Variants in LRBA observed in about 807,000 individuals in gnomAD.
The protein encoded by LRBA is lipopolysaccharide-responsive and beige-like anchor protein.
Under a neutral mutation model 330.0 loss-of-function variants are expected in LRBA, and 176 were observed. The ratio of observed to expected loss-of-function variants is 0.53; its 90% CI spans 0.47 to 0.60. The LOEUF is 0.60. Among genes scored for constraint, LRBA ranks in the 20% least tolerant of loss-of-function variants. The probability of loss-of-function intolerance (pLI) is 0.00; values close to 1 mark genes in which losing one functional copy is unlikely to be tolerated. For synonymous variants in LRBA, 1,230 were observed against 1,193.0 expected (o/e 1.03, Z -0.64); for missense variants, 3,259 against 3,444.8 (o/e 0.95, Z 1.35).
chr4:150,774,871 CT>C (rs1200841857), intron 34 of LRBA, among the ~76,000 whole-genome samples: 2 of 152,182 alleles, frequency 1.3e-5, no homozygotes, highest in Admixed American at 1.3e-4. Context: ...TATTTGTTCA[CT>C]TGATCTAGAA....
chr4:150,493,040 G>A (rs1266929855), intron 40 of LRBA, among the ~76,000 whole-genome samples: 1 of 152,162 alleles, frequency 6.6e-6, no homozygotes, highest in Non-Finnish European at 1.5e-5. Flanking sequence ...GAGTGAAGTG[G>A]TGTGATCACA....
At chr4:150,306,472 C>A (rs1730369908) in intron 52 of LRBA, among the ~76,000 whole-genome samples, 1 of 152,070 alleles carries the variant, frequency 6.6e-6, no homozygotes, top group Non-Finnish European at 1.5e-5. Flanking sequence ...ATAAAACTAG[C>A]ATCAGAGTTT....
intron 41 of LRBA, among the ~76,000 whole-genome samples, chr4:150,488,990 ATATATATAAGAATATATAATATAT>A (rs1758253893): frequency 8.0e-6 from 1 of 124,514 alleles, no homozygotes; most frequent in Admixed American, 1.0e-4. Flanking sequence ...ATAACATATA[ATATATATAAGAATATATAATATAT>A]TATATATAAG....
intron 2 of LRBA, among the ~76,000 whole-genome samples, chr4:150,972,042 A>G (rs1579364746): frequency 6.6e-6 from 1 of 152,168 alleles, no homozygotes; most frequent in East Asian, 1.9e-4. Context: ...AGATTCTCTT[A>G]TAAGTACCTT....
At chr4:150,528,792 A>T (rs1315765854) in intron 40 of LRBA, among the ~76,000 whole-genome samples, 1 of 152,196 alleles carries the variant, frequency 6.6e-6, no homozygotes, top group Non-Finnish European at 1.5e-5. Flanking sequence ...AGAAACAGAC[A>T]AAGTTTTAAA....
intron 5 of LRBA, among the ~76,000 whole-genome samples, chr4:150,920,052 G>T (rs1035037770): frequency 6.6e-6 from 1 of 151,962 alleles, no homozygotes; most frequent in Non-Finnish European, 1.5e-5. Flanking sequence ...GGAAAAAATT[G>T]GGCAATAAAA....
chr4:150,862,814 TA>T (rs34118138), intron 22 of LRBA, among the ~76,000 whole-genome samples: 1 of 151,782 alleles, frequency 6.6e-6, no homozygotes, highest in African/African-American at 2.4e-5. Flanking sequence ...CTGTCTCTAC[TA>T]AAAATACAAA....
chr4:150,665,925 T>C (rs914843317), intron 37 of LRBA, among the ~76,000 whole-genome samples: 1 of 152,174 alleles, frequency 6.6e-6, no homozygotes, highest in Admixed American at 6.5e-5. Context: ...CGCAGTAGAA[T>C]GGAGGAACCT....
At chr4:150,826,840 G>A (rs937499697) in intron 30 of LRBA, among the ~76,000 whole-genome samples, 1 of 152,158 alleles carries the variant, frequency 6.6e-6, no homozygotes, top group Non-Finnish European at 1.5e-5. Flanking sequence ...ACAGAACATC[G>A]TGAAAGTCTA....
Position 150,302,640 on chromosome 4 carries a change from C to T in LRBA, c.8002G>A (p.Gly2668Arg), listed in dbSNP as rs1447662110. Reference sequence around the variant, plus strand: ...TCATACTTACTGCCTGGGTTATCTCCAATCCCACTGCATTTTCCATTCCAA... The same window carrying T: ...TCATACTTACTGCCTGGGTTATCTCTAATCCCACTGCATTTTCCATTCCAA... ...WYWNGKCSGI[G>R]DNPGSETAAP... Residue 2668 changes from glycine (G) to arginine (R), a missense_variant, in exon 53 of 57, where the codon GGA (glycine) becomes AGA (arginine). By Grantham distance (125) the Gly-to-Arg change is moderately radical (BLOSUM62 -2). Coordinates refer to ENST00000651943, the MANE Select transcript of LRBA (RefSeq NM_001364905.1). 3 of 1,608,908 alleles carry T rather than the reference C, an allele frequency of 1.9e-6. No individual in the cohort carries two copies. Among genetic ancestry groups the T allele is most frequent in the Non-Finnish European group, 2.5e-6 (3 of 1,177,226 alleles).
chr4:150,504,709 C>T (rs577782734), intron 40 of LRBA, among the ~76,000 whole-genome samples: 27 of 152,268 alleles, frequency 1.8e-4, no homozygotes, highest in African/African-American at 6.5e-4. Flanking sequence ...AGCCAGCTGA[C>T]ATCATAATGA....
rs1022644252 is a variant in LRBA at position 150,637,818 on chromosome 4, C to T, written c.5922-38687G>A. Among the ~76,000 whole-genome samples, 11 of 152,136 alleles carry T rather than the reference C, an allele frequency of 7.2e-5. 1 individual carries two copies. The highest frequency in any genetic ancestry group is 1.5e-4 in the Non-Finnish European group (10 of 68,024). ...GGCCAGAGGAAACAGCTAAATAGTG[C>T]CTGGATTCTTGACCCATTGCACTAT... On this transcript the variant is annotated intron_variant, in intron 37 of 56. Transcript: ENST00000651943.
intron 4 of LRBA, among the ~76,000 whole-genome samples, chr4:150,926,797 G>A (rs1265053691): frequency 6.6e-6 from 1 of 152,160 alleles, no homozygotes; most frequent in African/African-American, 2.4e-5. Flanking sequence ...AAGAGACCAG[G>A]CATGGTGGCT....
chr4:150,603,084 G>A (rs534266756), intron 37 of LRBA, among the ~76,000 whole-genome samples: 2 of 152,224 alleles, frequency 1.3e-5, no homozygotes, highest in South Asian at 4.2e-4. Flanking sequence ...AAAGTAAAGA[G>A]GTTAGCCTAA....
At chr4:150,692,834 A>G (rs770701317) in intron 36 of LRBA, among the ~76,000 whole-genome samples, 2 of 152,226 alleles carry the variant, frequency 1.3e-5, no homozygotes, top group Non-Finnish European at 2.9e-5. Context: ...ACAATTCTAC[A>G]CTGAGGCTGG....
At chr4:150,739,176 C>T (rs1342867765) in intron 35 of LRBA, among the ~76,000 whole-genome samples, 2 of 151,994 alleles carry the variant, frequency 1.3e-5, no homozygotes, top group African/African-American at 4.8e-5. Flanking sequence ...ACTAGAGATA[C>T]AGAAATTTAG....
At chr4:150,967,158 A>C (rs1215954253) in intron 2 of LRBA, among the ~76,000 whole-genome samples, 2 of 152,208 alleles carry the variant, frequency 1.3e-5, no homozygotes, top group Non-Finnish European at 2.9e-5. Flanking sequence ...AAATAACTCC[A>C]ATTTAATTCA....
chr4:150,631,073 C>A (rs577393216), intron 37 of LRBA, among the ~76,000 whole-genome samples: 58 of 151,820 alleles, frequency 3.8e-4, no homozygotes, highest in African/African-American at 1.4e-3. Context: ...GTTAGATAGT[C>A]CTTAAAATAT....
At chr4:150,825,426 C>T (rs895306666) in intron 30 of LRBA, among the ~76,000 whole-genome samples, 3 of 152,112 alleles carry the variant, frequency 2.0e-5, no homozygotes, top group African/African-American at 7.2e-5. Flanking sequence ...GAGTGCAATG[C>T]TGCAGTTTTG....
Sources: allele counts gnomAD v4.1 joint callset (sites outside exome capture counted in the v4.1 genomes callset), GRCh38; gene constraint gnomAD v4.1.1; transcripts MANE v1.5; gene names NCBI Gene and HGNC (gene_info 2026-07-23, HGNC 2026-07-21).